ACYP2: variants seen among roughly 807,000 people sequenced by gnomAD.
ACYP2 encodes acylphosphatase 2, also known as acylphosphatase-2.
ACYP2 carries 12 observed loss-of-function variants against 11.2 expected under a neutral mutation model. The observed-to-expected ratio is 1.08, with a 90% CI of 0.69 to 1.74. The LOEUF (loss-of-function observed/expected upper bound fraction) is 1.74, where lower values mean the gene tolerates loss of function less well. Ranked by LOEUF, ACYP2 falls within the 40% of genes most tolerant of loss-of-function variation. The pLI is 0.00. For synonymous variants in ACYP2, 43 were observed against 32.2 expected (o/e 1.33, Z -1.13); for missense variants, 134 against 101.9 (o/e 1.31, Z -1.35).
intron 1 of ACYP2, among the ~76,000 whole-genome samples, chr2:53,973,137 G>C (rs1671257310): frequency 6.6e-6 from 1 of 152,204 alleles, no homozygotes; most frequent in Non-Finnish European, 1.5e-5. Flanking sequence ...ACCTTAGGTA[G>C]CTAACAGGTC....
At chr2:54,018,312 A>T (rs1477147015) in intron 2 of ACYP2, among the ~76,000 whole-genome samples, 1 of 152,170 alleles carries the variant, frequency 6.6e-6, no homozygotes, top group Non-Finnish European at 1.5e-5. Flanking sequence ...TGTTACACTG[A>T]TGTTGCTGAT....
intron 6 of ACYP2, among the ~76,000 whole-genome samples, chr2:54,205,584 C>T (rs1266631138): frequency 1.3e-5 from 2 of 152,214 alleles, no homozygotes; most frequent in East Asian, 1.9e-4. Flanking sequence ...GAGGTATTTT[C>T]AGCTCTTCCA....
rs142779935 is a variant in ACYP2, at chr2:54,010,858, C to T, written c.62+37048C>T. The stretch of plus-strand genomic sequence containing the variant: ...TAATTTTTGTATTTTCAGTAGAGAC[C>T]AGGTTTCACCATGTTGCCCAGGCTG... On this transcript the variant is annotated intron_variant, in intron 2 of 6. Transcript: ENST00000607452. 8.1e-5 allele frequency among the ~76,000 whole-genome samples: 12 copies of T among 148,934 alleles called. No individual in the cohort carries two copies. In the East Asian group the frequency reaches 2.4e-3, roughly 30 times the overall value.
At position 54,086,815 on chromosome 2, in the gene ACYP2, G is replaced by A. The variant is rs190956154; in HGVS notation, c.277+29455G>A. ...AACTGAAGGATTTTTGTGGTCAAATGTTTGGAGACACTGCATATTAAATTA... is the reference window on the plus strand; with the variant it reads ...AACTGAAGGATTTTTGTGGTCAAATATTTGGAGACACTGCATATTAAATTA... On this transcript the variant is annotated intron_variant, in intron 4 of 6. Coordinates refer to ENST00000607452, the MANE Select transcript of ACYP2 (RefSeq NM_001320586.2). 1.7e-3 allele frequency among the ~76,000 whole-genome samples: 260 copies of A among 152,314 alleles called. 2 individuals are homozygous for A. The highest frequency in any genetic ancestry group is 5.9e-3 in the African/African-American group (246 of 41,562).
At chr2:54,136,935 C>T (rs1681280110) in intron 5 of ACYP2, among the ~76,000 whole-genome samples, 2 of 152,012 alleles carry the variant, frequency 1.3e-5, no homozygotes, top group Non-Finnish European at 2.9e-5. Context: ...GAGATGGCGC[C>T]ACTGCACTCC....
intron 2 of ACYP2, among the ~76,000 whole-genome samples, chr2:54,023,816 AC>A (rs1466792932): frequency 6.6e-6 from 1 of 152,228 alleles, no homozygotes; most frequent in Non-Finnish European, 1.5e-5. Flanking sequence ...AAAATTGCCA[AC>A]AAAAAAATGT....
chr2:54,226,670 A>G (rs1686023965), intron 6 of ACYP2, among the ~76,000 whole-genome samples: 1 of 152,204 alleles, frequency 6.6e-6, no homozygotes, highest in South Asian at 2.1e-4. Context: ...GGAATGGAAC[A>G]TGTAGTCTTT....
chr2:54,270,183 TTG>T (rs1437724409), intron 6 of ACYP2, among the ~76,000 whole-genome samples: 6 of 151,878 alleles, frequency 4.0e-5, no homozygotes, highest in Non-Finnish European at 8.8e-5. Context: ...GTTTCAATCA[TTG>T]TTAGTTTTTT....
At chr2:54,284,261 G>GA (rs372499950) in intron 6 of ACYP2, among the ~76,000 whole-genome samples, 3 of 152,310 alleles carry the variant, frequency 2.0e-5, no homozygotes, top group African/African-American at 7.2e-5. Context: ...AATACTGGGG[G>GA]ATGCATCACT....
At chr2:54,286,191 A>G (rs953512479) in intron 6 of ACYP2, among the ~76,000 whole-genome samples, 1 of 151,360 alleles carries the variant, frequency 6.6e-6, no homozygotes, top group Non-Finnish European at 1.5e-5. Context: ...CCAGGCATTC[A>G]AGACCAACCC....
chr2:54,150,739 C>CTTTTTTTT (rs11295809), intron 6 of ACYP2, among the ~76,000 whole-genome samples: 1 of 137,380 alleles, frequency 7.3e-6, no homozygotes, highest in Non-Finnish European at 1.6e-5. Flanking sequence ...GCGTTTCTTT[C>CTTTTTTTT]TTTTTTTTTT....
At chr2:54,069,779 T>C (rs1305660055) in intron 4 of ACYP2, among the ~76,000 whole-genome samples, 1 of 152,364 alleles carries the variant, frequency 6.6e-6, no homozygotes, top group East Asian at 1.9e-4. Context: ...CTGATGAATA[T>C]GCTAGTTGGC....
intron 6 of ACYP2, among the ~76,000 whole-genome samples, chr2:54,202,779 C>T (rs531035229): frequency 1.7e-5 from 2 of 115,652 alleles, no homozygotes; most frequent in East Asian, 5.5e-4. Flanking sequence ...CCCACGCTGG[C>T]CTTGAACTTT....
rs185952602 is a variant in ACYP2 at position 54,135,983 on chromosome 2, C to T, written c.294+514C>T. Reference sequence around the variant, plus strand: ...TGCGATCTCAGCTCACTGCAGCCTCCGCCTTCCAGGCTCAAGTGATTCTCC... The same window carrying T: ...TGCGATCTCAGCTCACTGCAGCCTCTGCCTTCCAGGCTCAAGTGATTCTCC... On this transcript the variant is annotated intron_variant, in intron 5 of 6. Transcript: ENST00000607452. 1.1e-3 allele frequency among the ~76,000 whole-genome samples: 163 copies of T among 152,294 alleles called. 4 individuals carry two copies. Among genetic ancestry groups the T allele is most frequent in the Non-Finnish European group, 9.4e-4 (64 of 68,020 alleles).
At chr2:54,103,580 C>T (rs574811445) in intron 4 of ACYP2, among the ~76,000 whole-genome samples, 50 of 152,184 alleles carry the variant, frequency 3.3e-4, no homozygotes, top group Non-Finnish European at 3.2e-4. Context: ...ATTCTAAACA[C>T]TAAATAGTTG....
chr2:54,152,654 ATTTTCACATTGGC>A (rs1682234288), intron 6 of ACYP2, among the ~76,000 whole-genome samples: 6 of 152,062 alleles, frequency 3.9e-5, no homozygotes, highest in African/African-American at 7.2e-5. Context: ...TATAGTATAT[ATTTTCACATTGGC>A]TTCATTCACT....
chr2:54,056,095 A>G (rs1204581441), intron 3 of ACYP2, among the ~76,000 whole-genome samples: 2 of 152,242 alleles, frequency 1.3e-5, no homozygotes, highest in Non-Finnish European at 2.9e-5. Context: ...ATTTCAAAAA[A>G]GATGTCCATA....
chr2:54,253,893 C>G (rs543743423), intron 6 of ACYP2: 15 of 152,076 alleles, frequency 9.9e-5, no homozygotes, highest in Non-Finnish European at 1.6e-4. Context: ...ACAAAGAGAG[C>G]CAAGAAACTA....
intron 2 of ACYP2, chr2:54,029,798 C>T (rs1375522861): frequency 7.0e-6 from 4 of 568,868 alleles, no homozygotes; most frequent in Non-Finnish European, 1.3e-5. Flanking sequence ...CATGGTGACA[C>T]TTGGGGGGCA....
Sources: allele counts gnomAD v4.1 joint callset (sites outside exome capture counted in the v4.1 genomes callset), GRCh38; gene constraint gnomAD v4.1.1; transcripts MANE v1.5; gene names NCBI Gene and HGNC (gene_info 2026-07-23, HGNC 2026-07-21).